CREBL2: variants seen among roughly 807,000 people sequenced by gnomAD.
CREBL2 encodes cAMP-responsive element-binding protein-like 2.
Under a neutral mutation model 19.5 loss-of-function variants are expected in CREBL2, and 4 were observed. The ratio of observed to expected loss-of-function variants is 0.20; its 90% CI spans 0.10 to 0.47. The LOEUF (loss-of-function observed/expected upper bound fraction) is 0.47. Ranked by LOEUF, CREBL2 falls within the 20% of genes least tolerant of loss-of-function variation. The pLI is 0.98. For synonymous variants in CREBL2, 42 were observed against 46.6 expected, an observed-to-expected ratio of 0.90 and a Z score of 0.40; for missense variants, 85 against 145.1, an observed-to-expected ratio of 0.59 and a Z score of 2.13.
chr12:12,641,397 T>C (rs1329119533), intron 3 of CREBL2, among the ~76,000 whole-genome samples: 3 of 151,364 alleles, frequency 2.0e-5, no homozygotes, highest in Admixed American at 6.6e-5. Context: ...AACCTCTGCC[T>C]CCCAGGTTCA....
chr12:12,621,748 C>T (rs1019274863), intron 1 of CREBL2, among the ~76,000 whole-genome samples: 5 of 152,032 alleles, frequency 3.3e-5, no homozygotes, highest in South Asian at 2.1e-4. Flanking sequence ...CAGATTCTTT[C>T]GGGATAGGGT....
At chr12:12,637,543 T>C in intron 2 of CREBL2, 27 bp from the exon 3 acceptor site, 1 of 1,254,332 alleles carries the variant, frequency 8.0e-7, no homozygotes, top group Non-Finnish European at 1.0e-6. Flanking sequence ...AAATTTATAT[T>C]TATATTTAAA....
chr12:12,621,083 G>A (rs1171058408), intron 1 of CREBL2, among the ~76,000 whole-genome samples: 3 of 152,222 alleles, frequency 2.0e-5, no homozygotes, highest in African/African-American at 4.8e-5. Context: ...TACAGCTAGA[G>A]AAGGATCGAC....
chr12:12,611,984 G>A lies in CREBL2; in HGVS notation c.-189G>A. 1 of 658,270 alleles carries A rather than the reference G, an allele frequency of 1.5e-6. No individual in the cohort carries two copies. Among genetic ancestry groups the A allele is most frequent in the Non-Finnish European group, 2.5e-6 (1 of 394,082 alleles). 40.8% of individuals were successfully genotyped at this position (658,270 alleles called of 1,614,324 possible). Reference sequence around the variant, plus strand: ...GCGTTTGGGGCCGCCTCCAGGGTCCGCTCTGCCATTCCTGAACTGGTCCCT... The same window carrying A: ...GCGTTTGGGGCCGCCTCCAGGGTCCACTCTGCCATTCCTGAACTGGTCCCT... On this transcript the variant is annotated 5_prime_UTR_variant, in exon 1 of 4. Coordinates refer to ENST00000228865, the MANE Select transcript of CREBL2 (RefSeq NM_001310.4).
At chr12:12,616,754 C>T (rs1439435204) in intron 1 of CREBL2, among the ~76,000 whole-genome samples, 1 of 152,176 alleles carries the variant, frequency 6.6e-6, no homozygotes, top group East Asian at 1.9e-4. Context: ...ACACACTTTT[C>T]CCTCACATTC....
At chr12:12,614,572 A>T (rs1350944366) in intron 1 of CREBL2, 1 of 211,798 alleles carries the variant, frequency 4.7e-6, no homozygotes, top group East Asian at 1.5e-4. Flanking sequence ...GGCTCAAAGC[A>T]ATCCTCCACC....
chr12:12,642,094 C>T lies in CREBL2; in HGVS notation c.*96C>T. On this transcript the variant is annotated 3_prime_UTR_variant, in exon 4 of 4. Coordinates refer to ENST00000228865, the MANE Select transcript of CREBL2 (RefSeq NM_001310.4). ...TGTACTTCTTGGCTCCATTTACTAC[C>T]TACTGCTCAGTAGTCATCTCTGTAA... The T allele has an allele frequency of 2.3e-6, 2 of 881,556 alleles. No homozygotes were observed. Among genetic ancestry groups the T allele is most frequent in the Non-Finnish European group, 3.5e-6 (2 of 564,486 alleles). The allele number at this position is 881,556 out of a possible 1,614,324, so 54.6% of individuals were successfully genotyped here. A position where few individuals can be genotyped will look rare whatever the true frequency, so the allele number is the denominator to read the frequency against.
chr12:12,644,026 C>T lies in CREBL2; in HGVS notation c.*2028C>T, dbSNP rs558890729. 1 of 152,716 alleles carries T rather than the reference C, an allele frequency of 6.5e-6. No individual in the cohort carries two copies. Among genetic ancestry groups the T allele is most frequent in the Admixed American group, 6.5e-5 (1 of 15,284 alleles). The allele number at this position is 152,716 out of a possible 1,614,324, so 9.5% of individuals were successfully genotyped here. On this transcript the variant is annotated 3_prime_UTR_variant, in exon 4 of 4. Coordinates refer to ENST00000228865, the MANE Select transcript of CREBL2 (RefSeq NM_001310.4). ...GAATGAATGTCGCTCTTCAATGGAA[C>T]GTCTTTATTGTGCTTGAAGTATTTC...
intron 1 of CREBL2, among the ~76,000 whole-genome samples, chr12:12,618,125 T>C (rs190392040): frequency 2.8e-3 from 423 of 152,360 alleles, no homozygotes; most frequent in African/African-American, 9.4e-3. Context: ...TTTCCCCCTT[T>C]TCTATTCGAC....
intron 1 of CREBL2, among the ~76,000 whole-genome samples, chr12:12,617,531 TCTAACA>T: frequency 6.6e-6 from 1 of 151,958 alleles, no homozygotes; most frequent in East Asian, 1.9e-4. Context: ...TAGTACAGAC[TCTAACA>T]CATAGTAGGC....
intron 1 of CREBL2, among the ~76,000 whole-genome samples, chr12:12,627,894 CTT>C (rs543211718): frequency 1.3e-5 from 2 of 151,442 alleles, no homozygotes; most frequent in African/African-American, 4.9e-5. Context: ...TACTGGTTGT[CTT>C]TTTTTTTGAG....
rs1592241595 is a variant in CREBL2 at position 12,633,715 on chromosome 12, CCTAA to C, written c.16-2058_16-2055del. ...CACATTTAAAGCTTGGTTTTCTTGA[CCTAA>C]CTATTAGACTTAGTAATGATCTCAT... On this transcript the variant is annotated intron_variant, in intron 1 of 3. Coordinates refer to ENST00000228865, the MANE Select transcript of CREBL2 (RefSeq NM_001310.4). 1.3e-5 allele frequency among the ~76,000 whole-genome samples: 2 copies of C among 152,252 alleles called. 1 individual carries two copies. The highest frequency in any genetic ancestry group is 6.8e-3 in the Middle Eastern group (2 of 294).
At position 12,612,122 on chromosome 12, in the gene CREBL2, G is replaced by C. The variant is rs759743; in HGVS notation, c.-51G>C. On this transcript the variant is annotated 5_prime_UTR_variant, in exon 1 of 4. Coordinates refer to ENST00000228865, the MANE Select transcript of CREBL2 (RefSeq NM_001310.4). ...GGGGCCGGGCCAGGCCGGCTGAGCC[G>C]GGGGAGGGCTCCGGGAGGGAGTGCC... 2.2e-3 allele frequency: 3,553 copies of C among 1,605,606 alleles called. 71 individuals are homozygous for C. In the African/African-American group the frequency reaches 0.042, roughly 19 times the overall value.
intron 1 of CREBL2, among the ~76,000 whole-genome samples, chr12:12,622,503 A>T (rs1945366958): frequency 6.6e-6 from 1 of 152,180 alleles, no homozygotes; most frequent in Non-Finnish European, 1.5e-5. Context: ...GAGACTTTTA[A>T]AAAGAGGACT....
chr12:12,613,140 G>A (rs1217157364), intron 1 of CREBL2, among the ~76,000 whole-genome samples: 2 of 152,246 alleles, frequency 1.3e-5, no homozygotes, highest in African/African-American at 4.8e-5. Flanking sequence ...AAAGTGCTGG[G>A]ATTACAGGCG....
At chr12:12,632,068 C>CTT (rs869253910) in intron 1 of CREBL2, among the ~76,000 whole-genome samples, 27,536 of 80,608 alleles carry the variant, frequency 0.34, 8,861 homozygotes, top group Non-Finnish European at 0.42. Flanking sequence ...CTATGCCTTT[C>CTT]TTTTTTTTTT....
chr12:12,628,090 C>G (rs1448490529), intron 1 of CREBL2, among the ~76,000 whole-genome samples: 3 of 152,110 alleles, frequency 2.0e-5, no homozygotes. Flanking sequence ...CTATGTTGGC[C>G]AGGATGGTCT....
rs771059557 is a variant in CREBL2, at chr12:12,637,675, C to A, written c.319C>A (p.His107Asn). Residue 107 changes from histidine (H) to asparagine (N), a missense_variant, in exon 3 of 4, where the codon CAT becomes AAT. This residue lies in a region of CREBL2 where 42 missense variants were observed against 38.4 expected (regional missense o/e 1.09). Coordinates refer to ENST00000228865, the MANE Select transcript of CREBL2 (RefSeq NM_001310.4). ...QNKSQQNSSR[H>N]TKAGKTDANS... ...CAAATCTCAGCAGAACTCAAGCAGGCATACCAAGGCTGGGAAGACAGATGC... is the reference window on the plus strand; with the variant it reads ...CAAATCTCAGCAGAACTCAAGCAGGAATACCAAGGCTGGGAAGACAGATGC... The A allele has an allele frequency of 8.7e-6, 14 of 1,612,974 alleles. No homozygotes were observed. Among genetic ancestry groups the A allele is most frequent in the Non-Finnish European group, 8.5e-6 (10 of 1,179,486 alleles).
At chr12:12,629,594 C>G (rs1003907797) in intron 1 of CREBL2, among the ~76,000 whole-genome samples, 2 of 151,998 alleles carry the variant, frequency 1.3e-5, no homozygotes, top group African/African-American at 4.8e-5. Flanking sequence ...TTTACTTTTT[C>G]CTTTCCTTTC....
Sources: gnomAD v4.1 joint callset for allele counts (sites outside exome capture counted in the v4.1 genomes callset) on GRCh38, gnomAD v4.1.1 for gene constraint, gnomAD v4.1.1 regional missense constraint, MANE v1.5 for transcripts, NCBI Gene and HGNC (gene_info 2026-07-23, HGNC 2026-07-21) for gene names.